LMO7: variants seen among roughly 807,000 people sequenced by gnomAD.
The protein encoded by LMO7 is LIM domain only protein 7.
A neutral mutation model predicts 206.5 loss-of-function variants in LMO7; 120 were observed. The observed-to-expected ratio is 0.58, with a 90% CI of 0.50 to 0.68. LMO7 has a LOEUF of 0.68. Among genes scored for constraint, LMO7 ranks in the 30% least tolerant of loss-of-function variants. The probability of loss-of-function intolerance (pLI) is 0.00; values close to 1 mark genes in which losing one functional copy is unlikely to be tolerated. For synonymous variants in LMO7, 706 were observed against 681.5 expected (o/e 1.04, Z -0.56); for missense variants, 1,959 against 1,957.9 (o/e 1.00, Z -0.01).
chr13:75,643,107 T>C (rs182570452), intron 1 of LMO7, among the ~76,000 whole-genome samples: 95 of 152,318 alleles, frequency 6.2e-4, no homozygotes, highest in Non-Finnish European at 5.9e-5. Flanking sequence ...CCAGGGAGTA[T>C]GCCGATTTAT....
intron 1 of LMO7, among the ~76,000 whole-genome samples, chr13:75,687,627 ATATTT>A (rs1241989564): frequency 6.6e-6 from 1 of 152,056 alleles, no homozygotes; most frequent in African/African-American, 2.4e-5. Flanking sequence ...TTTTATTGAA[ATATTT>A]TATTCAAAGG....
At chr13:75,627,715 G>A (rs770009186) in intron 2 of LMO7, 4 of 149,236 alleles carry the variant, frequency 2.7e-5, no homozygotes, top group Admixed American at 6.6e-5. Context: ...TTTTTTTTTC[G>A]TTTCATGGGC....
At chr13:75,855,423 T>A (rs1270785409) in intron 29 of LMO7, 55 bp downstream of exon 29, 1 of 1,176,324 alleles carries the variant, frequency 8.5e-7, no homozygotes, top group Admixed American at 1.9e-5. Flanking sequence ...GGAGAGCGCA[T>A]GGCTGCTTTG....
chr13:75,622,735 T>C (rs1164931011), intron 1 of LMO7, among the ~76,000 whole-genome samples: 2 of 152,194 alleles, frequency 1.3e-5, no homozygotes, highest in African/African-American at 2.4e-5. Flanking sequence ...TTTCAACAAT[T>C]TTATGCATAA....
intron 8 of LMO7, 35 bp downstream of exon 8, chr13:75,804,576 G>A (rs779079619): frequency 1.4e-5 from 22 of 1,595,020 alleles, no homozygotes; most frequent in South Asian, 1.4e-4. Flanking sequence ...AGTTTCGTAT[G>A]CTTTTCGAAT....
At chr13:75,733,094 G>T (rs1278453539) in intron 3 of LMO7, among the ~76,000 whole-genome samples, 1 of 152,218 alleles carries the variant, frequency 6.6e-6, no homozygotes, top group East Asian at 1.9e-4. Flanking sequence ...CACTTGAGGA[G>T]GCAGTCTCCC....
intron 3 of LMO7, among the ~76,000 whole-genome samples, chr13:75,734,481 G>A (rs532801578): frequency 6.6e-6 from 1 of 152,196 alleles, no homozygotes; most frequent in African/African-American, 2.4e-5. Flanking sequence ...AGTGCATTCA[G>A]GAAGCTTCTG....
At chr13:75,695,610 G>T (rs1329901907) in intron 1 of LMO7, among the ~76,000 whole-genome samples, 1 of 152,212 alleles carries the variant, frequency 6.6e-6, no homozygotes, top group Non-Finnish European at 1.5e-5. Flanking sequence ...CTCTCAAAGT[G>T]TTGGGATTAC....
intron 11 of LMO7, among the ~76,000 whole-genome samples, chr13:75,811,413 T>A (rs2056385859): frequency 6.6e-6 from 1 of 152,196 alleles, no homozygotes; most frequent in Admixed American, 6.5e-5. Context: ...GGATTAAGTG[T>A]AGGCTTTTAA....
In LMO7 at chr13:75,733,930, A is replaced by T. The variant is rs561814583; in HGVS notation, c.210+6832A>T. 7.0e-4 allele frequency among the ~76,000 whole-genome samples: 106 copies of T among 152,280 alleles called. 1 individual carries two copies. The highest frequency in any genetic ancestry group is 2.0e-3 in the Admixed American group (30 of 15,302). ...TGTGCGCTGTTTGCTGGCTACCACAATGGTGGCCCAGACTGCGAGATGTGC... is the reference window on the plus strand; with the variant it reads ...TGTGCGCTGTTTGCTGGCTACCACATTGGTGGCCCAGACTGCGAGATGTGC... On this transcript the variant is annotated intron_variant, in intron 3 of 30. Coordinates refer to ENST00000377534, the MANE Select transcript of LMO7 (RefSeq NM_001306080.2).
At chr13:75,808,231 G>GT (rs1595170044) in intron 10 of LMO7, 32 bp downstream of exon 10, 1 of 1,565,172 alleles carries the variant, frequency 6.4e-7, no homozygotes, top group Non-Finnish European at 8.7e-7. Flanking sequence ...GATTTTGCTT[G>GT]TAATGGATGG....
chr13:75,854,207 T>C (rs1019858782), intron 28 of LMO7, among the ~76,000 whole-genome samples: 5 of 152,192 alleles, frequency 3.3e-5, no homozygotes, highest in African/African-American at 1.2e-4. Flanking sequence ...CCATCACAAA[T>C]GGAATACTTC....
At chr13:75,762,575 C>G (rs1429682524) in intron 4 of LMO7, among the ~76,000 whole-genome samples, 2 of 152,202 alleles carry the variant, frequency 1.3e-5, no homozygotes, top group Non-Finnish European at 2.9e-5. Context: ...TTGCCTGGAG[C>G]CTGTTTCATG....
upstream of LMO7, among the ~76,000 whole-genome samples, chr13:75,633,109 C>T (rs1334512266): frequency 5.9e-5 from 9 of 151,992 alleles, no homozygotes; most frequent in African/African-American, 1.7e-4. Flanking sequence ...GTGACCCGCC[C>T]GCCTCGGCCT....
chr13:75,748,815 C>CTTTT (rs376720178), intron 3 of LMO7, among the ~76,000 whole-genome samples: 1 of 143,074 alleles, frequency 7.0e-6, no homozygotes, highest in Admixed American at 7.0e-5. Flanking sequence ...TTCTTTCTTT[C>CTTTT]TTTTTTTTTT....
intron 14 of LMO7, 146 bp downstream of exon 14, chr13:75,821,755 A>G (rs1179540764): frequency 2.4e-5 from 14 of 587,564 alleles, no homozygotes; most frequent in Non-Finnish European, 3.6e-5. Flanking sequence ...TTTAGATGCA[A>G]TGGAAACTTA....
chr13:75,707,995 G>A (rs2138010911), intron 1 of LMO7, among the ~76,000 whole-genome samples: 1 of 152,124 alleles, frequency 6.6e-6, no homozygotes, highest in Non-Finnish European at 1.5e-5. Flanking sequence ...TTTATTAAAG[G>A]ATATTCTAAA....
chr13:75,631,748 C>T (rs985207144), upstream of LMO7: 2 of 152,302 alleles, frequency 1.3e-5, no homozygotes, highest in African/African-American at 4.8e-5. Context: ...CTGAGGCCAA[C>T]TTTGAAGGAG....
At chr13:75,723,702 G>C (rs9573633) in intron 2 of LMO7, among the ~76,000 whole-genome samples, 7,054 of 152,214 alleles carry the variant, frequency 0.046, 429 homozygotes, top group African/African-American at 0.13. Context: ...CAGCTCTCTA[G>C]TATCTGTCAT....
Sources: gnomAD v4.1 joint callset for allele counts (sites outside exome capture counted in the v4.1 genomes callset) on GRCh38, gnomAD v4.1.1 for gene constraint, MANE v1.5 for transcripts, NCBI Gene and HGNC (gene_info 2026-07-23, HGNC 2026-07-21) for gene names.